Variants in MAN2A1 observed in about 807,000 individuals in gnomAD.
MAN2A1 encodes the protein alpha-mannosidase 2.
A neutral mutation model predicts 142.6 loss-of-function variants in MAN2A1; 76 were observed. That is an observed-to-expected ratio of 0.53 (90% confidence interval 0.44 to 0.65). MAN2A1 has a LOEUF of 0.65. Among genes scored for constraint, MAN2A1 ranks in the 30% least tolerant of loss-of-function variants. MAN2A1 has a pLI of 0.00. For synonymous variants in MAN2A1, 559 were observed against 473.2 expected, an observed-to-expected ratio of 1.18 and a Z score of -2.35; for missense variants, 1,311 against 1,365.1, an observed-to-expected ratio of 0.96 and a Z score of 0.62.
chr5:109,693,139 A>G (rs1425613825), intron 1 of MAN2A1, among the ~76,000 whole-genome samples: 1 of 151,952 alleles, frequency 6.6e-6, no homozygotes, highest in Non-Finnish European at 1.5e-5. Flanking sequence ...TTGAAGCCAT[A>G]ATGAATATGG....
At chr5:109,839,935 T>C (rs1388872512) in intron 16 of MAN2A1, among the ~76,000 whole-genome samples, 1 of 139,014 alleles carries the variant, frequency 7.2e-6, no homozygotes, top group African/African-American at 2.7e-5. Context: ...ATTTACATTC[T>C]TTTTTTTTTT....
chr5:109,842,251 G>A, intron 16 of MAN2A1, 77 bp from the exon 17 acceptor site: 1 of 906,768 alleles, frequency 1.1e-6, no homozygotes, highest in East Asian at 2.9e-5. Context: ...TTTGGAAAGA[G>A]TTCTGTATAG....
chr5:109,754,661 T>C (rs541531574), intron 4 of MAN2A1, among the ~76,000 whole-genome samples: 94 of 152,332 alleles, frequency 6.2e-4, no homozygotes, highest in African/African-American at 2.0e-3. Flanking sequence ...ATCAAGCATA[T>C]AGTCTGTGTA....
At chr5:109,837,800 C>T (rs1366729668) in intron 16 of MAN2A1, among the ~76,000 whole-genome samples, 1 of 152,164 alleles carries the variant, frequency 6.6e-6, no homozygotes, top group Non-Finnish European at 1.5e-5. Flanking sequence ...TTCTAACATG[C>T]ATGTAACATA....
chr5:109,799,167 T>A (rs946569663), intron 12 of MAN2A1, among the ~76,000 whole-genome samples: 22 of 152,198 alleles, frequency 1.4e-4, no homozygotes, highest in Non-Finnish European at 3.2e-4. Context: ...AACTTCATAG[T>A]ATGGGACCTA....
chr5:109,718,252 C>T (rs1452176682), intron 3 of MAN2A1, among the ~76,000 whole-genome samples: 5 of 152,188 alleles, frequency 3.3e-5, no homozygotes, highest in Admixed American at 6.5e-5. Context: ...AAGCCCACTT[C>T]TTCCCTTTTC....
chr5:109,708,686 C>G (rs961771720), intron 1 of MAN2A1, among the ~76,000 whole-genome samples: 65 of 152,184 alleles, frequency 4.3e-4, no homozygotes, highest in African/African-American at 1.5e-3. Flanking sequence ...GCCTTAGAAC[C>G]AGAGAAGCCA....
chr5:109,823,878 G>T, intron 16 of MAN2A1, 41 bp downstream of exon 16: 1 of 982,096 alleles, frequency 1.0e-6, no homozygotes, highest in South Asian at 2.2e-5. Flanking sequence ...TATGTATTAT[G>T]GTTTTTGAAT....
chr5:109,782,836 A>G (rs1315895968), intron 9 of MAN2A1, among the ~76,000 whole-genome samples: 1 of 152,096 alleles, frequency 6.6e-6, no homozygotes, highest in African/African-American at 2.4e-5. Context: ...TGATATTTTG[A>G]TATAAGCATA....
At chr5:109,807,197 C>T (rs758194870) in intron 12 of MAN2A1, among the ~76,000 whole-genome samples, 1 of 152,128 alleles carries the variant, frequency 6.6e-6, no homozygotes, top group East Asian at 1.9e-4. Flanking sequence ...GTTCCAAGGA[C>T]CCCAAGCTCT....
At chr5:109,786,755 T>C (rs76001272) in intron 10 of MAN2A1, among the ~76,000 whole-genome samples, 2,801 of 152,192 alleles carry the variant, frequency 0.018, 33 homozygotes, top group Middle Eastern at 0.071. Context: ...ATGACTACTA[T>C]TCATTCAAAT....
intron 1 of MAN2A1, among the ~76,000 whole-genome samples, chr5:109,694,501 G>A (rs1373203735): frequency 3.9e-5 from 6 of 152,104 alleles, no homozygotes; most frequent in Non-Finnish European, 8.8e-5. Flanking sequence ...GTATGCCACT[G>A]TGCCCAGCCA....
At chr5:109,772,952 G>T (rs1753188477) in intron 7 of MAN2A1, among the ~76,000 whole-genome samples, 2 of 152,088 alleles carry the variant, frequency 1.3e-5, no homozygotes, top group South Asian at 4.1e-4. Flanking sequence ...TTTTGGTCAA[G>T]TACTATATAT....
At chr5:109,807,945 G>A (rs1207061898) in intron 12 of MAN2A1, among the ~76,000 whole-genome samples, 1 of 152,060 alleles carries the variant, frequency 6.6e-6, no homozygotes, top group Non-Finnish European at 1.5e-5. Flanking sequence ...TTCTCTGCCT[G>A]GCAACTAGAA....
At chr5:109,746,285 T>TA (rs754924720) in intron 4 of MAN2A1, among the ~76,000 whole-genome samples, 6 of 152,154 alleles carry the variant, frequency 3.9e-5, no homozygotes, top group Admixed American at 6.6e-5. Context: ...TCAGTTTTGT[T>TA]AGTTTTCAGT....
rs193159315 is a variant in MAN2A1 at position 109,831,500 on chromosome 5, T to C, written c.2566+7663T>C. On this transcript the variant is annotated intron_variant, in intron 16 of 21. Transcript: ENST00000261483. ...AGGATTTGAAGAACTCTTTGTCCCT[T>C]ATATATTTTTTAATTGACTTGAAGT... Among the ~76,000 whole-genome samples the C allele has an allele frequency of 5.7e-4, 87 of 152,328 alleles. 1 individual carries two copies. The East Asian group carries it at 0.011, about 19-fold the overall frequency.
intron 12 of MAN2A1, chr5:109,804,119 C>G: frequency 1.0e-6 from 1 of 980,682 alleles, no homozygotes; most frequent in Non-Finnish European, 1.2e-6. Context: ...GTCTTCCACT[C>G]TTCTGAACTA....
chr5:109,822,738 C>G (rs1193426063), intron 15 of MAN2A1, among the ~76,000 whole-genome samples: 2 of 151,866 alleles, frequency 1.3e-5, no homozygotes, highest in African/African-American at 4.8e-5. Context: ...AATGCAGTGG[C>G]GCGATCTCAG....
chr5:109,782,838 A>G (rs1753497185), intron 9 of MAN2A1, among the ~76,000 whole-genome samples: 1 of 152,140 alleles, frequency 6.6e-6, no homozygotes. Flanking sequence ...ATATTTTGAT[A>G]TAAGCATACA....
Sources: allele counts gnomAD v4.1 joint callset (sites outside exome capture counted in the v4.1 genomes callset), GRCh38; gene constraint gnomAD v4.1.1; transcripts MANE v1.5; gene names NCBI Gene and HGNC (gene_info 2026-07-23, HGNC 2026-07-21).